NOS1AP: variants seen among roughly 807,000 people sequenced by gnomAD.
NOS1AP encodes the protein carboxyl-terminal PDZ ligand of neuronal nitric oxide synthase protein.
Under a neutral mutation model 56.2 loss-of-function variants are expected in NOS1AP, and 21 were observed. The observed-to-expected ratio is 0.37, with a 90% CI of 0.26 to 0.54. NOS1AP has a LOEUF of 0.54. NOS1AP is among the 20% of genes least tolerant of loss of function. NOS1AP has a pLI of 0.84. For missense variants in NOS1AP, 522 were observed against 657.8 expected (o/e 0.79, Z 2.26); for synonymous variants, 270 against 274.6 (o/e 0.98, Z 0.17).
chr1:162,165,194 G>A (rs1243671282), intron 2 of NOS1AP, among the ~76,000 whole-genome samples: 1 of 152,228 alleles, frequency 6.6e-6, no homozygotes, highest in South Asian at 2.1e-4. Context: ...GGTGCCGCAT[G>A]CCTGTAATCC....
At chr1:162,234,946 G>A (rs769696073) in intron 2 of NOS1AP, among the ~76,000 whole-genome samples, 2 of 152,072 alleles carry the variant, frequency 1.3e-5, no homozygotes, top group African/African-American at 2.4e-5. Context: ...CCAACCCCTC[G>A]CTGGTTGTTT....
Position 162,183,319 on chromosome 1 carries a change from G to A in NOS1AP, c.177+28843G>A, listed in dbSNP as rs146804775. ...CTGTAAAGAGATGGGCTGTCATGCC[G>A]TCTTTGTTGTTCCGTTTATAGAGAA... On this transcript the variant is annotated intron_variant, in intron 2 of 9. Coordinates refer to ENST00000361897, the MANE Select transcript of NOS1AP (RefSeq NM_014697.3). Among the ~76,000 whole-genome samples, 488 of 152,316 alleles carry A rather than the reference G, an allele frequency of 3.2e-3. 2 individuals are homozygous for A. Among genetic ancestry groups the A allele is most frequent in the African/African-American group, 0.011 (442 of 41,580 alleles).
At chr1:162,281,377 T>C (rs574436950) in intron 2 of NOS1AP, among the ~76,000 whole-genome samples, 8 of 152,354 alleles carry the variant, frequency 5.3e-5, no homozygotes, top group African/African-American at 1.7e-4. Context: ...CCCTCCTATG[T>C]CCTGGTCTCT....
rs1298223743 is a variant in NOS1AP at position 162,070,129 on chromosome 1, C to A, written c.-49C>A. 1 of 1,498,992 alleles carries A rather than the reference C, an allele frequency of 6.7e-7. No individual in the cohort carries two copies. The highest frequency in any genetic ancestry group is 9.3e-7 in the Non-Finnish European group (1 of 1,076,446). The allele number at this position is 1,498,992 out of a possible 1,614,324, so 92.9% of individuals were successfully genotyped here. On this transcript the variant is annotated 5_prime_UTR_variant, in exon 1 of 10. Coordinates refer to ENST00000361897, the MANE Select transcript of NOS1AP (RefSeq NM_014697.3). The stretch of plus-strand genomic sequence containing the variant: ...TCCCCTCCCCGGGGTCTCGCCAGCC[C>A]CTTCCTGCAGCCGCCGCCTCCGAAG...
At chr1:162,277,038 A>G (rs975638140) in intron 2 of NOS1AP, among the ~76,000 whole-genome samples, 1 of 152,182 alleles carries the variant, frequency 6.6e-6, no homozygotes, top group Admixed American at 6.5e-5. Context: ...CTTGCTTCTC[A>G]AAGTGTGGTC....
intron 2 of NOS1AP, among the ~76,000 whole-genome samples, chr1:162,195,318 C>G (rs1651771198): frequency 6.6e-6 from 1 of 151,972 alleles, no homozygotes; most frequent in Non-Finnish European, 1.5e-5. Flanking sequence ...AAGTACCTTG[C>G]TCTTACTCAT....
chr1:162,093,745 G>T (rs1027281288), intron 1 of NOS1AP, among the ~76,000 whole-genome samples: 6 of 151,718 alleles, frequency 4.0e-5, no homozygotes, highest in Non-Finnish European at 8.8e-5. Context: ...TGGAATCGAG[G>T]TCTCACTATA....
chr1:162,358,111 C>T (rs1449096320), intron 8 of NOS1AP, among the ~76,000 whole-genome samples: 1 of 152,186 alleles, frequency 6.6e-6, no homozygotes, highest in East Asian at 1.9e-4. Flanking sequence ...CTGTTGACCA[C>T]TTAGGTTTTC....
chr1:162,154,529 C>A, intron 2 of NOS1AP, 53 bp downstream of exon 2: 1 of 1,579,984 alleles, frequency 6.3e-7, no homozygotes, highest in Non-Finnish European at 8.7e-7. Flanking sequence ...GCCTTAGCTG[C>A]TGGCCCTTCT....
intron 2 of NOS1AP, among the ~76,000 whole-genome samples, chr1:162,186,597 G>A (rs1425383111): frequency 6.6e-6 from 1 of 152,132 alleles, no homozygotes; most frequent in Non-Finnish European, 1.5e-5. Flanking sequence ...ATTAGGTCAT[G>A]AGGGTGGGGC....
chr1:162,290,290 G>A (rs1189190030), intron 3 of NOS1AP, among the ~76,000 whole-genome samples: 5 of 152,220 alleles, frequency 3.3e-5, no homozygotes, highest in African/African-American at 4.8e-5. Flanking sequence ...TTCCAGGGCC[G>A]TGGCTGTGAT....
intron 2 of NOS1AP, among the ~76,000 whole-genome samples, chr1:162,175,367 T>C (rs556951666): frequency 8.1e-4 from 123 of 152,398 alleles, no homozygotes; most frequent in Middle Eastern, 6.8e-3. Context: ...ATATTTGTTT[T>C]ATACCTTGTA....
chr1:162,276,268 G>T (rs1287227656), intron 2 of NOS1AP, among the ~76,000 whole-genome samples: 1 of 152,152 alleles, frequency 6.6e-6, no homozygotes, highest in Non-Finnish European at 1.5e-5. Flanking sequence ...AAGTTCATTT[G>T]TTGTCATAGA....
intron 2 of NOS1AP, among the ~76,000 whole-genome samples, chr1:162,163,180 C>G (rs1215166172): frequency 6.6e-6 from 1 of 152,062 alleles, no homozygotes; most frequent in East Asian, 1.9e-4. Flanking sequence ...CATGGCTATA[C>G]CACATATTAT....
At chr1:162,090,369 TAAAAA>T (rs35839449) in intron 1 of NOS1AP, among the ~76,000 whole-genome samples, 1 of 146,918 alleles carries the variant, frequency 6.8e-6, no homozygotes, top group Non-Finnish European at 1.5e-5. Context: ...TTATCTTTTG[TAAAAA>T]AAAAAAAAGT....
chr1:162,187,411 C>T (rs906736637), intron 2 of NOS1AP, among the ~76,000 whole-genome samples: 1 of 152,142 alleles, frequency 6.6e-6, no homozygotes, highest in Non-Finnish European at 1.5e-5. Context: ...TTAACCAGAT[C>T]CCATTTTTTG....
chr1:162,160,272 T>C (rs1422411842), intron 2 of NOS1AP, among the ~76,000 whole-genome samples: 1 of 152,170 alleles, frequency 6.6e-6, no homozygotes, highest in Non-Finnish European at 1.5e-5. Flanking sequence ...GGAGTGGTGT[T>C]GGTCTTGGCC....
chr1:162,361,964 A>G (rs1189630966), intron 8 of NOS1AP, among the ~76,000 whole-genome samples: 3 of 152,182 alleles, frequency 2.0e-5, no homozygotes, highest in East Asian at 1.9e-4. Context: ...CACAATGTCA[A>G]CCTGGATGTA....
In NOS1AP at chr1:162,160,497, A is replaced by G. The variant is rs561520981; in HGVS notation, c.177+6021A>G. Among the ~76,000 whole-genome samples, 23 of 152,330 alleles carry G rather than the reference A, an allele frequency of 1.5e-4. No individual in the cohort carries two copies. In the East Asian group the frequency reaches 4.4e-3, roughly 29 times the overall value. Reference sequence around the variant, plus strand: ...GACGGGCGGCTTTATGGAGGCAGCGACTGGAGTTGTGAGTGCCGCCTGTCT... The same window carrying G: ...GACGGGCGGCTTTATGGAGGCAGCGGCTGGAGTTGTGAGTGCCGCCTGTCT... On this transcript the variant is annotated intron_variant, in intron 2 of 9. Coordinates refer to ENST00000361897, the MANE Select transcript of NOS1AP (RefSeq NM_014697.3).
Sources: gnomAD v4.1 joint callset for allele counts (sites outside exome capture counted in the v4.1 genomes callset) on GRCh38, gnomAD v4.1.1 for gene constraint, MANE v1.5 for transcripts, NCBI Gene and HGNC (gene_info 2026-07-23, HGNC 2026-07-21) for gene names.